The following EXOC6B variants were observed in gnomAD, a reference collection of about 807,000 sequenced individuals.
EXOC6B encodes exocyst complex component 6B.
Under a neutral mutation model 113.5 loss-of-function variants are expected in EXOC6B, and 54 were observed. The observed-to-expected ratio is 0.48, with a 90% CI of 0.38 to 0.60. The LOEUF (loss-of-function observed/expected upper bound fraction) is 0.60. Ranked by LOEUF, EXOC6B falls within the 20% of genes least tolerant of loss-of-function variation. The pLI, the probability that EXOC6B is intolerant of heterozygous loss-of-function variation, is 0.00. For synonymous variants in EXOC6B, 357 were observed against 339.0 expected, an observed-to-expected ratio of 1.05 and a Z score of -0.58; for missense variants, 797 against 977.5, an observed-to-expected ratio of 0.82 and a Z score of 2.46.
rs1035265444 is a variant in EXOC6B at position 72,177,587 on chromosome 2, C to G, written c.*1748G>C. ...CCAACCATCCAGCCCTCAGGATGAG[C>G]CTCAGCAGCATCTATGAGCTCACAT... On this transcript the variant is annotated 3_prime_UTR_variant, in exon 22 of 22. Transcript: ENST00000272427. The G allele has an allele frequency of 2.6e-5, 4 of 152,220 alleles. No homozygotes were observed. Among genetic ancestry groups the G allele is most frequent in the African/African-American group, 9.7e-5 (4 of 41,450 alleles). 9.4% of individuals were successfully genotyped at this position (152,220 alleles called of 1,614,324 possible).
intron 20 of EXOC6B, among the ~76,000 whole-genome samples, chr2:72,276,508 A>T (rs1466087941): frequency 6.6e-6 from 1 of 152,118 alleles, no homozygotes; most frequent in Non-Finnish European, 1.5e-5. Flanking sequence ...TGCCAGAATG[A>T]CAAGTTTTGT....
At chr2:72,482,865 C>G (rs926821262) in intron 16 of EXOC6B, among the ~76,000 whole-genome samples, 4 of 152,106 alleles carry the variant, frequency 2.6e-5, no homozygotes, top group African/African-American at 9.7e-5. Context: ...CTTTGAAACA[C>G]AATAACAAAG....
At chr2:72,363,204 G>T (rs1690425836) in intron 19 of EXOC6B, among the ~76,000 whole-genome samples, 1 of 152,054 alleles carries the variant, frequency 6.6e-6, no homozygotes, top group Non-Finnish European at 1.5e-5. Flanking sequence ...TAAAGGAAAA[G>T]TGATGATTTC....
chr2:72,504,391 G>A (rs965638419), intron 11 of EXOC6B, among the ~76,000 whole-genome samples: 3 of 152,092 alleles, frequency 2.0e-5, no homozygotes, highest in Non-Finnish European at 4.4e-5. Flanking sequence ...CATTATATAA[G>A]TGGAAATAAG....
At chr2:72,211,533 C>A (rs1167242558) in intron 20 of EXOC6B, among the ~76,000 whole-genome samples, 1 of 152,156 alleles carries the variant, frequency 6.6e-6, no homozygotes, top group East Asian at 1.9e-4. Context: ...GAAGCCATAA[C>A]AGAAACAAAA....
intron 6 of EXOC6B, among the ~76,000 whole-genome samples, chr2:72,607,348 C>T (rs1255800936): frequency 6.6e-6 from 1 of 152,074 alleles, no homozygotes; most frequent in Non-Finnish European, 1.5e-5. Flanking sequence ...CATGGAATGA[C>T]CCAGATGCCA....
At chr2:72,402,450 C>T (rs1249885893) in intron 18 of EXOC6B, among the ~76,000 whole-genome samples, 1 of 147,302 alleles carries the variant, frequency 6.8e-6, no homozygotes, top group Non-Finnish European at 1.5e-5. Context: ...ATTTTTATTT[C>T]TTCATATGGC....
At chr2:72,295,351 G>A (rs1246244676) in intron 20 of EXOC6B, among the ~76,000 whole-genome samples, 1 of 151,458 alleles carries the variant, frequency 6.6e-6, no homozygotes, top group Non-Finnish European at 1.5e-5. Flanking sequence ...TATTTCTAAT[G>A]CCTAAAAACA....
intron 20 of EXOC6B, among the ~76,000 whole-genome samples, chr2:72,195,089 G>A (rs528407971): frequency 1.6e-4 from 25 of 152,208 alleles, no homozygotes; most frequent in Non-Finnish European, 2.8e-4. Flanking sequence ...TTTATTTGCC[G>A]CATAAATGTG....
chr2:72,734,823 A>G (rs1680849883), intron 2 of EXOC6B, among the ~76,000 whole-genome samples: 1 of 152,216 alleles, frequency 6.6e-6, no homozygotes, highest in African/African-American at 2.4e-5. Flanking sequence ...AGCTAACCAC[A>G]GGAAAAACAG....
chr2:72,274,940 T>G (rs1018474065), intron 20 of EXOC6B, among the ~76,000 whole-genome samples: 6 of 152,078 alleles, frequency 3.9e-5, no homozygotes, highest in African/African-American at 1.2e-4. Flanking sequence ...TTAGAGGGAA[T>G]AGATAAGAAG....
chr2:72,245,360 A>C (rs1682584226), intron 20 of EXOC6B, among the ~76,000 whole-genome samples: 1 of 152,244 alleles, frequency 6.6e-6, no homozygotes, highest in Non-Finnish European at 1.5e-5. Flanking sequence ...GTATATAGAC[A>C]AACAAGGAAA....
Position 72,379,887 on chromosome 2 carries a change from T to C in EXOC6B, c.1981-17A>G, listed in dbSNP as rs1159225734. 1 of 1,584,380 alleles carries C rather than the reference T, an allele frequency of 6.3e-7. No homozygotes were observed. Among genetic ancestry groups the C allele is most frequent in the African/African-American group, 1.3e-5 (1 of 74,148 alleles). On this transcript the variant is annotated splice_polypyrimidine_tract_variant and intron_variant, in intron 18 of 21. Transcript: ENST00000272427. ...CACCTTTCCCTGAAACACAAGAGTG[T>C]AAATCATAAAGTTAATGCATCTAAC...
intron 11 of EXOC6B, among the ~76,000 whole-genome samples, chr2:72,502,132 C>T (rs1400580): frequency 0.84 from 128,325 of 152,226 alleles, 54,801 homozygotes; most frequent in East Asian, 0.99. Flanking sequence ...AATAATAATA[C>T]GTCATTTAGA....
At chr2:72,541,153 T>C (rs1195385318) in intron 8 of EXOC6B, among the ~76,000 whole-genome samples, 4 of 152,188 alleles carry the variant, frequency 2.6e-5, no homozygotes, top group Non-Finnish European at 5.9e-5. Context: ...CAAAATCTGA[T>C]GGGTTTATCA....
At chr2:72,643,813 A>C (rs1364328279) in intron 6 of EXOC6B, among the ~76,000 whole-genome samples, 4 of 138,870 alleles carry the variant, frequency 2.9e-5, no homozygotes, top group Non-Finnish European at 5.9e-5. Flanking sequence ...AAATTAAAAA[A>C]TAAATAAATA....
intron 18 of EXOC6B, among the ~76,000 whole-genome samples, chr2:72,405,600 C>T (rs991756584): frequency 2.4e-4 from 37 of 152,082 alleles, no homozygotes; most frequent in Middle Eastern, 3.2e-3. Flanking sequence ...TCCAGCAAAA[C>T]GAAGCTTCAT....
intron 19 of EXOC6B, among the ~76,000 whole-genome samples, chr2:72,346,772 G>A (rs892528934): frequency 1.3e-5 from 2 of 152,074 alleles, no homozygotes; most frequent in Non-Finnish European, 2.9e-5. Flanking sequence ...GGAAAGTAAA[G>A]AATATAACAA....
At chr2:72,405,421 T>C (rs913884696) in intron 18 of EXOC6B, among the ~76,000 whole-genome samples, 3 of 152,102 alleles carry the variant, frequency 2.0e-5, no homozygotes, top group Non-Finnish European at 2.9e-5. Context: ...GAAGTTCAAA[T>C]GAAGGACAAA....
Sources: allele counts gnomAD v4.1 joint callset (sites outside exome capture counted in the v4.1 genomes callset), GRCh38; gene constraint gnomAD v4.1.1; transcripts MANE v1.5; gene names NCBI Gene and HGNC (gene_info 2026-07-23, HGNC 2026-07-21).